CA10: variants seen among roughly 807,000 people sequenced by gnomAD.
CA10 encodes carbonic anhydrase 10 (inactive), also known as carbonic anhydrase-related protein 10.
Under a neutral mutation model 44.2 loss-of-function variants are expected in CA10, and 14 were observed. The observed-to-expected ratio is 0.32, with a 90% confidence interval of 0.21 to 0.50. The LOEUF is 0.50. CA10 is among the 20% of genes least tolerant of loss of function. The probability of loss-of-function intolerance (pLI) is 0.99; values close to 1 mark genes in which losing one functional copy is unlikely to be tolerated. For missense variants in CA10, 350 were observed against 409.7 expected (o/e 0.85, Z 1.26); for synonymous variants, 159 against 141.6 (o/e 1.12, Z -0.87).
rs138422328 is a variant in CA10 at position 51,990,316 on chromosome 17, C to A, written c.137-59184G>T. Among the ~76,000 whole-genome samples the A allele has an allele frequency of 9.7e-4, 148 of 152,138 alleles. 3 individuals are homozygous for A. In the East Asian group the frequency reaches 0.023, roughly 24 times the overall value. ...CATATTATTGTGTGGAAGCCATGGT[C>A]AGAACACCTGCCAGGTGCTATCACT... On this transcript the variant is annotated intron_variant, in intron 2 of 8. Transcript: ENST00000451037.
chr17:51,936,994 C>A (rs540562592), intron 2 of CA10, among the ~76,000 whole-genome samples: 2 of 152,098 alleles, frequency 1.3e-5, no homozygotes, highest in African/African-American at 4.8e-5. Flanking sequence ...GGAACTAGTG[C>A]TTTACAAGCC....
intron 3 of CA10, among the ~76,000 whole-genome samples, chr17:51,801,322 G>C (rs1906920080): frequency 1.3e-5 from 2 of 152,172 alleles, no homozygotes; most frequent in African/African-American, 4.8e-5. Flanking sequence ...GTGGTCGTCA[G>C]TAAATCTCCA....
intron 4 of CA10, among the ~76,000 whole-genome samples, chr17:51,734,468 G>T (rs922496349): frequency 2.0e-5 from 3 of 152,164 alleles, no homozygotes; most frequent in African/African-American, 7.2e-5. Flanking sequence ...AAGGTGAAAG[G>T]ATGTACTATA....
At chr17:51,661,910 C>G (rs928311011) in intron 4 of CA10, 2 of 152,206 alleles carry the variant, frequency 1.3e-5, no homozygotes, top group Non-Finnish European at 2.9e-5. Context: ...GTCACAACTA[C>G]TCAATTCTGC....
intron 6 of CA10, among the ~76,000 whole-genome samples, chr17:51,637,226 G>C (rs1912872275): frequency 6.6e-6 from 1 of 152,030 alleles, no homozygotes; most frequent in Non-Finnish European, 1.5e-5. Context: ...CTCAGGTTTT[G>C]TTGCTGTCTC....
intron 4 of CA10, among the ~76,000 whole-genome samples, chr17:51,668,875 G>C (rs555686645): frequency 6.6e-6 from 1 of 152,218 alleles, no homozygotes; most frequent in South Asian, 2.1e-4. Context: ...GCGGCCGGCC[G>C]GCATCACAGG....
intron 3 of CA10, among the ~76,000 whole-genome samples, chr17:51,790,910 G>C (rs1053537944): frequency 1.3e-5 from 2 of 152,152 alleles, no homozygotes; most frequent in African/African-American, 4.8e-5. Context: ...ACTTATTCAG[G>C]AGCCAACTTG....
chr17:51,740,515 T>C (rs1438390294), intron 4 of CA10, among the ~76,000 whole-genome samples: 1 of 152,196 alleles, frequency 6.6e-6, no homozygotes, highest in African/African-American at 2.4e-5. Context: ...AAGAAGGTGG[T>C]AACATTGAGA....
intron 3 of CA10, among the ~76,000 whole-genome samples, chr17:51,817,506 G>T (rs1016123658): frequency 6.6e-6 from 1 of 152,170 alleles, no homozygotes; most frequent in Non-Finnish European, 1.5e-5. Context: ...CCCTCCTCAG[G>T]CTCAGTGGGA....
intron 1 of CA10, among the ~76,000 whole-genome samples, chr17:52,155,005 C>G (rs910179759): frequency 6.6e-6 from 1 of 152,182 alleles, no homozygotes; most frequent in Non-Finnish European, 1.5e-5. Flanking sequence ...AGCTACAAAG[C>G]GCCAATGTTT....
At chr17:51,758,743 T>G (rs1905140806) in intron 3 of CA10, among the ~76,000 whole-genome samples, 1 of 152,248 alleles carries the variant, frequency 6.6e-6, no homozygotes, top group African/African-American at 2.4e-5. Context: ...TTTTAATAAT[T>G]TAGTATTATA....
chr17:51,945,295 C>T (rs1282831796), intron 2 of CA10, among the ~76,000 whole-genome samples: 2 of 152,076 alleles, frequency 1.3e-5, no homozygotes, highest in Non-Finnish European at 2.9e-5. Flanking sequence ...GTCTGAGGTC[C>T]TGGAGCTCAG....
chr17:52,089,142 T>G (rs1283721241), intron 1 of CA10, among the ~76,000 whole-genome samples: 1 of 152,216 alleles, frequency 6.6e-6, no homozygotes, highest in Non-Finnish European at 1.5e-5. Flanking sequence ...ATGCAAATGT[T>G]GTACTCTAAT....
intron 3 of CA10, among the ~76,000 whole-genome samples, chr17:51,813,417 G>A (rs1407661776): frequency 2.0e-5 from 3 of 152,198 alleles, no homozygotes; most frequent in Non-Finnish European, 4.4e-5. Flanking sequence ...CTGCTGTAAG[G>A]GGCCACGCCT....
chr17:52,065,038 A>C (rs1450246551), intron 2 of CA10, among the ~76,000 whole-genome samples: 2 of 152,034 alleles, frequency 1.3e-5, no homozygotes, highest in Non-Finnish European at 2.9e-5. Flanking sequence ...GCCCCTGACC[A>C]CCCCAATCTC....
At chr17:51,951,249 T>G (rs78554279) in intron 2 of CA10, among the ~76,000 whole-genome samples, 1,845 of 152,290 alleles carry the variant, frequency 0.012, 29 homozygotes, top group African/African-American at 0.042. Context: ...TTAGTTCACC[T>G]TTTCAAGTTG....
intron 4 of CA10, among the ~76,000 whole-genome samples, chr17:51,663,909 T>G (rs1320031832): frequency 6.6e-6 from 1 of 152,228 alleles, no homozygotes; most frequent in Non-Finnish European, 1.5e-5. Context: ...ACCAAGAAGA[T>G]TTTGCCAGTC....
At chr17:52,038,772 T>C (rs1986688397) in intron 2 of CA10, among the ~76,000 whole-genome samples, 1 of 152,174 alleles carries the variant, frequency 6.6e-6, no homozygotes, top group South Asian at 2.1e-4. Context: ...TCCTCCCTGC[T>C]CTACACTCTT....
At chr17:51,822,463 A>T (rs1237853952) in intron 3 of CA10, among the ~76,000 whole-genome samples, 1 of 152,016 alleles carries the variant, frequency 6.6e-6, no homozygotes, top group Admixed American at 6.6e-5. Context: ...CAAACAAAAA[A>T]CAAAAAAACC....
Sources: allele counts gnomAD v4.1 joint callset (sites outside exome capture counted in the v4.1 genomes callset), GRCh38; gene constraint gnomAD v4.1.1; transcripts MANE v1.5; gene names NCBI Gene and HGNC (gene_info 2026-07-23, HGNC 2026-07-21).